ACSF3: variants seen among roughly 807,000 people sequenced by gnomAD.
ACSF3 encodes acyl-CoA synthetase family member 3, also known as malonate--CoA ligase ACSF3, mitochondrial.
ACSF3 carries 78 observed loss-of-function variants against 53.2 expected under a neutral mutation model. That is an observed-to-expected ratio of 1.47 (90% CI 1.22 to 1.77). ACSF3 has a LOEUF of 1.77. ACSF3 is among the 40% of genes most tolerant of loss of function. The pLI is 0.00. For missense variants in ACSF3, 937 were observed against 771.1 expected, an observed-to-expected ratio of 1.22 and a Z score of -2.55; for synonymous variants, 414 against 333.1, an observed-to-expected ratio of 1.24 and a Z score of -2.65.
rs765067984 is a variant in ACSF3 at position 89,155,442 on chromosome 16, A to T, written c.*1235A>T. ...GCCTGGGGCCCCTGCTCACTTGAGCATGTCGCCCACCAAGCTTGTCTGAGG... is the reference window on the plus strand; with the variant it reads ...GCCTGGGGCCCCTGCTCACTTGAGCTTGTCGCCCACCAAGCTTGTCTGAGG... On this transcript the variant is annotated 3_prime_UTR_variant, in exon 11 of 11. Transcript: ENST00000614302. 5.7e-5 allele frequency: 26 copies of T among 454,130 alleles called. No homozygotes were observed. The highest frequency in any genetic ancestry group is 3.9e-4 in the South Asian group (25 of 64,478). The allele number at this position is 454,130 out of a possible 1,614,324, so 28.1% of individuals were successfully genotyped here.
At position 89,134,033 on chromosome 16, in the gene ACSF3, C is replaced by T. The variant is rs966412568; in HGVS notation, c.1366+771C>T. Among the ~76,000 whole-genome samples, 4 of 152,278 alleles carry T rather than the reference C, an allele frequency of 2.6e-5. No homozygotes were observed. The South Asian group carries it at 8.3e-4, about 32-fold the overall frequency. ...GGATCCCACATCCCGCCCCATGGGG[C>T]GTATTTGGACAGTGGATATTTCGAC... is the stretch of plus-strand genomic sequence containing the variant. On this transcript the variant is annotated intron_variant, in intron 8 of 10. Transcript: ENST00000614302.
chr16:89,136,472 C>A, intron 8 of ACSF3: 1 of 1,203,346 alleles, frequency 8.3e-7, no homozygotes, highest in Non-Finnish European at 1.1e-6. Flanking sequence ...AATCAGCTCA[C>A]AGCTGCCGCT....
intron 8 of ACSF3, among the ~76,000 whole-genome samples, chr16:89,141,503 ATG>A (rs1241667303): frequency 6.6e-6 from 1 of 152,228 alleles, no homozygotes; most frequent in Non-Finnish European, 1.5e-5. Flanking sequence ...CAGAGGGGCC[ATG>A]TTTGTGCAGC....
intron 4 of ACSF3, 83 bp downstream of exon 4, chr16:89,102,842 T>A: frequency 6.4e-7 from 1 of 1,565,860 alleles, no homozygotes; most frequent in Non-Finnish European, 8.7e-7. Context: ...AGCCGCGCCC[T>A]CAGCCTAAGC....
At chr16:89,139,610 T>C (rs865968254) in intron 8 of ACSF3, among the ~76,000 whole-genome samples, 399 of 131,730 alleles carry the variant, frequency 3.0e-3, no homozygotes, top group Non-Finnish European at 4.8e-3. Flanking sequence ...TTTTTTTTTT[T>C]CGAGACAGAG....
intron 2 of ACSF3, 97 bp from the exon 3 acceptor site, chr16:89,100,565 A>G: frequency 8.1e-7 from 1 of 1,232,976 alleles, no homozygotes; most frequent in South Asian, 1.4e-5. Context: ...CAGCAGGCGT[A>G]CCTGGCTGGG....
In ACSF3 at chr16:89,154,101, CCCCGTA is replaced by C. The variant is rs748830812; in HGVS notation, c.1627_1632del (p.Pro543_Tyr544del). 8 of 1,612,762 alleles carry C rather than the reference CCCCGTA, an allele frequency of 5.0e-6. No individual in the cohort carries two copies. The African/African-American group carries it at 8.0e-5, about 16-fold the overall frequency. ...GCTTGTCTCTGCAGAAATGTCCTGG[CCCCGTA>C]CGCGGTGCCCTCGGAGCTGGTGCTG... On this transcript the variant is annotated inframe_deletion, in exon 11 of 11. Transcript: ENST00000614302.
In ACSF3 at chr16:89,122,983, G is replaced by A. The variant is rs140067658; in HGVS notation, c.1239+2070G>A. Among the ~76,000 whole-genome samples, 291 of 152,300 alleles carry A rather than the reference G, an allele frequency of 1.9e-3. 1 individual carries two copies. Among genetic ancestry groups the A allele is most frequent in the African/African-American group, 6.8e-3 (282 of 41,560 alleles). ...CTGACAGTCAGAGACACCGCACAGG[G>A]GCCTCTGCGACAGGCATGCAGGCAG... On this transcript the variant is annotated intron_variant, in intron 7 of 10. Transcript: ENST00000614302.
intron 8 of ACSF3, among the ~76,000 whole-genome samples, chr16:89,138,025 C>T (rs1910980846): frequency 6.6e-6 from 1 of 152,224 alleles, no homozygotes; most frequent in Non-Finnish European, 1.5e-5. Flanking sequence ...GTTAAAGGGA[C>T]CTTGTGACTT....
intron 10 of ACSF3, chr16:89,151,026 A>G (rs1170766187): frequency 7.8e-7 from 1 of 1,288,916 alleles, no homozygotes; most frequent in Non-Finnish European, 1.0e-6. Flanking sequence ...ATGAGTTTTC[A>G]GGTTGAAAGA....
In ACSF3 at chr16:89,098,716, G is replaced by A. The variant is rs1974913247; in HGVS notation, c.-68G>A. 2.2e-6 allele frequency: 1 copy of A among 454,164 alleles called. No homozygotes were observed. Among genetic ancestry groups the A allele is most frequent in the East Asian group, 6.9e-5 (1 of 14,394 alleles). The allele number at this position is 454,164 out of a possible 1,614,324, so 28.1% of individuals were successfully genotyped here. ...TGAAGCAGCTGTGCCTGCCGCTCTTGTGAACTGCGAACTTCCCCTTACCTC... is the reference window on the plus strand; with the variant it reads ...TGAAGCAGCTGTGCCTGCCGCTCTTATGAACTGCGAACTTCCCCTTACCTC... On this transcript the variant is annotated 5_prime_UTR_variant, in exon 2 of 11. The change creates a new upstream start codon in the 5' untranslated region. Transcript: ENST00000614302.
intron 8 of ACSF3, 85 bp from the exon 9 acceptor site, chr16:89,145,182 A>G: frequency 6.2e-7 from 1 of 1,613,444 alleles, no homozygotes; most frequent in Non-Finnish European, 8.5e-7. Flanking sequence ...GTGTTTAAGG[A>G]CGGCCAGTTA....
At chr16:89,137,827 G>C (rs917759358) in intron 8 of ACSF3, among the ~76,000 whole-genome samples, 1 of 152,172 alleles carries the variant, frequency 6.6e-6, no homozygotes, top group African/African-American at 2.4e-5. Context: ...AGCCTCCCAG[G>C]CCCTCCACGT....
Position 89,100,702 on chromosome 16 carries a change from C to T in ACSF3, c.21C>T (p.Leu7=), listed in dbSNP as rs1372111364. The part of the protein sequence containing the change: MLPHVV[L]TFRRLGCALA... ...GTGCAATGCTGCCCCATGTGGTGCT[C>T]ACCTTCCGGCGCCTGGGCTGCGCCT... Residue 7 remains leucine, a synonymous_variant, in exon 3 of 11, where the codon CTC becomes CTT. Transcript: ENST00000614302. 2 of 1,569,262 alleles carry T rather than the reference C, an allele frequency of 1.3e-6. No individual in the cohort carries two copies. The highest frequency in any genetic ancestry group is 1.7e-6 in the Non-Finnish European group (2 of 1,164,436).
intron 7 of ACSF3, among the ~76,000 whole-genome samples, chr16:89,121,970 T>A (rs575349990): frequency 2.0e-5 from 3 of 152,244 alleles, no homozygotes; most frequent in Non-Finnish European, 2.9e-5. Context: ...CCACACGGCG[T>A]GTCCCGCCTG....
intron 7 of ACSF3, among the ~76,000 whole-genome samples, chr16:89,125,218 C>T (rs1567718107): frequency 6.6e-6 from 1 of 152,000 alleles, no homozygotes; most frequent in Non-Finnish European, 1.5e-5. Context: ...TAGTGGGTGC[C>T]TGTAATCCCA....
intron 7 of ACSF3, among the ~76,000 whole-genome samples, chr16:89,127,148 G>C (rs1231000887): frequency 6.6e-6 from 1 of 152,026 alleles, no homozygotes; most frequent in Admixed American, 6.6e-5. Flanking sequence ...TTTTGCATCT[G>C]TATTCATAAG....
chr16:89,119,950 G>C (rs991900724), intron 6 of ACSF3, among the ~76,000 whole-genome samples: 1 of 152,346 alleles, frequency 6.6e-6, no homozygotes, highest in Non-Finnish European at 1.5e-5. Flanking sequence ...CCCTGACGCA[G>C]GCCAGGGCAA....
intron 7 of ACSF3, among the ~76,000 whole-genome samples, chr16:89,130,350 GA>G (rs2151511138): frequency 6.6e-6 from 1 of 152,280 alleles, no homozygotes; most frequent in African/African-American, 2.4e-5. Flanking sequence ...GGTGGGAGTG[GA>G]TCACCTGAGG....
Sources: allele counts gnomAD v4.1 joint callset (sites outside exome capture counted in the v4.1 genomes callset), GRCh38; gene constraint gnomAD v4.1.1; transcripts MANE v1.5; gene names NCBI Gene and HGNC (gene_info 2026-07-23, HGNC 2026-07-21).